The following ADGRL2 variants were observed in gnomAD, a reference collection of about 807,000 sequenced individuals.
ADGRL2 encodes adhesion G protein-coupled receptor L2, also known as calcium-independent alpha-latrotoxin receptor 2.
Under a neutral mutation model 157.4 loss-of-function variants are expected in ADGRL2, and 44 were observed. The observed-to-expected ratio is 0.28, with a 90% CI of 0.22 to 0.36. The LOEUF is 0.36. Ranked by LOEUF, ADGRL2 falls within the 10% of genes least tolerant of loss-of-function variation. ADGRL2 has a pLI of 1.00. For missense variants in ADGRL2, 1,510 were observed against 1,768.9 expected (o/e 0.85, Z 2.63); for synonymous variants, 585 against 624.7 (o/e 0.94, Z 0.95).
chr1:81,432,834 G>C (rs993688204), intron 1 of ADGRL2, among the ~76,000 whole-genome samples: 2 of 152,154 alleles, frequency 1.3e-5, no homozygotes, highest in African/African-American at 4.8e-5. Flanking sequence ...GCGGCATGGG[G>C]AATGTGCAGC....
chr1:81,654,438 G>A (rs900917393), intron 3 of ADGRL2, among the ~76,000 whole-genome samples: 4 of 152,170 alleles, frequency 2.6e-5, no homozygotes, highest in Admixed American at 6.6e-5. Context: ...TGACTGTTGC[G>A]GTGAAGGTCT....
intron 1 of ADGRL2, among the ~76,000 whole-genome samples, chr1:81,747,741 GAC>G (rs1420152136): frequency 4.0e-5 from 6 of 151,638 alleles, no homozygotes; most frequent in African/African-American, 1.5e-4. Flanking sequence ...GTGTGTAAGA[GAC>G]AGAGAGAGAG....
intron 2 of ADGRL2, among the ~76,000 whole-genome samples, chr1:81,567,695 A>G (rs1171105594): frequency 6.6e-6 from 1 of 152,150 alleles, no homozygotes; most frequent in Non-Finnish European, 1.5e-5. Flanking sequence ...GAATGAAGTA[A>G]GTGGAAAAGA....
intron 3 of ADGRL2, among the ~76,000 whole-genome samples, chr1:81,920,034 A>G (rs1177266495): frequency 6.6e-6 from 1 of 152,312 alleles, no homozygotes; most frequent in Middle Eastern, 3.4e-3. Flanking sequence ...GACTATTAAC[A>G]TCAAAAAATA....
intron 1 of ADGRL2, among the ~76,000 whole-genome samples, chr1:81,410,084 T>A (rs12088657): frequency 0.023 from 3,574 of 152,296 alleles, 113 homozygotes; most frequent in African/African-American, 0.079. Context: ...TGTCACGTGA[T>A]CTTTACATGA....
chr1:81,601,243 G>A (rs2081327364), intron 3 of ADGRL2, among the ~76,000 whole-genome samples: 1 of 152,172 alleles, frequency 6.6e-6, no homozygotes, highest in Middle Eastern at 3.2e-3. Flanking sequence ...TAATTTATAG[G>A]AGATGTTGTT....
At chr1:81,335,233 T>C (rs147400625) in intron 1 of ADGRL2, among the ~76,000 whole-genome samples, 8 of 152,326 alleles carry the variant, frequency 5.3e-5, no homozygotes, top group African/African-American at 1.9e-4. Flanking sequence ...ATACTTTTTG[T>C]GAAGTATTTC....
chr1:81,679,350 C>G (rs1372478027), intron 3 of ADGRL2, among the ~76,000 whole-genome samples: 1 of 151,594 alleles, frequency 6.6e-6, no homozygotes. Context: ...TCTTTTGCCT[C>G]TCTATATCTT....
intron 1 of ADGRL2, among the ~76,000 whole-genome samples, chr1:81,364,047 T>C (rs1239425806): frequency 1.3e-5 from 2 of 152,168 alleles, no homozygotes; most frequent in African/African-American, 4.8e-5. Context: ...AGAATAAATT[T>C]TTACATTCTG....
At chr1:81,339,926 T>G in intron 1 of ADGRL2, among the ~76,000 whole-genome samples, 1 of 152,212 alleles carries the variant, frequency 6.6e-6, no homozygotes, top group East Asian at 1.9e-4. Context: ...GTTTCTTTGG[T>G]AGCATATCTT....
intron 1 of ADGRL2, among the ~76,000 whole-genome samples, chr1:81,317,752 T>C (rs1035484074): frequency 6.6e-6 from 1 of 152,186 alleles, no homozygotes; most frequent in African/African-American, 2.4e-5. Flanking sequence ...AACAATCATT[T>C]GTAAGTAGGG....
intron 1 of ADGRL2, among the ~76,000 whole-genome samples, chr1:81,826,030 T>C (rs1263500644): frequency 6.6e-6 from 1 of 152,210 alleles, no homozygotes; most frequent in Non-Finnish European, 1.5e-5. Flanking sequence ...TGTACCTCTT[T>C]AAAATGAAGT....
At chr1:81,529,182 G>A (rs1448568112) in intron 2 of ADGRL2, among the ~76,000 whole-genome samples, 2 of 152,206 alleles carry the variant, frequency 1.3e-5, no homozygotes, top group African/African-American at 4.8e-5. Flanking sequence ...TAGAATCCCA[G>A]GAGGGAAGTA....
intron 2 of ADGRL2, among the ~76,000 whole-genome samples, chr1:81,776,265 T>A (rs1443192197): frequency 2.0e-5 from 3 of 151,630 alleles, no homozygotes; most frequent in African/African-American, 7.3e-5. Context: ...CTCTGCTCAC[T>A]GCAACCTCTG....
intron 1 of ADGRL2, among the ~76,000 whole-genome samples, chr1:81,387,545 T>A (rs2076459232): frequency 6.6e-6 from 1 of 152,182 alleles, no homozygotes; most frequent in Non-Finnish European, 1.5e-5. Flanking sequence ...ACTGTTATTG[T>A]CCTCTTTTAT....
intron 1 of ADGRL2, among the ~76,000 whole-genome samples, chr1:81,714,476 C>T (rs986540496): frequency 6.6e-6 from 1 of 151,970 alleles, no homozygotes; most frequent in African/African-American, 2.4e-5. Flanking sequence ...TGGGGCAGGG[C>T]AGGGAGAAGG....
chr1:81,408,868 C>A (rs1387183844), intron 1 of ADGRL2, among the ~76,000 whole-genome samples: 1 of 152,076 alleles, frequency 6.6e-6, no homozygotes, highest in Non-Finnish European at 1.5e-5. Context: ...ATGGGAGGGG[C>A]CAAAGAAATA....
At chr1:81,849,034 A>AT (rs1232376023) in intron 2 of ADGRL2, among the ~76,000 whole-genome samples, 5 of 151,924 alleles carry the variant, frequency 3.3e-5, no homozygotes, top group Admixed American at 1.3e-4. Flanking sequence ...AGGTAAGCAA[A>AT]TAGCAACCAT....
intron 2 of ADGRL2, among the ~76,000 whole-genome samples, chr1:81,473,025 G>A (rs967515428): frequency 1.3e-5 from 2 of 151,826 alleles, no homozygotes; most frequent in African/African-American, 4.8e-5. Flanking sequence ...TAGGACCCCA[G>A]TGCCTGTTAT....
Sources: allele counts gnomAD v4.1 joint callset (sites outside exome capture counted in the v4.1 genomes callset), GRCh38; gene constraint gnomAD v4.1.1; transcripts MANE v1.5; gene names NCBI Gene and HGNC (gene_info 2026-07-23, HGNC 2026-07-21).